EIF4H: variants seen among roughly 807,000 people sequenced by gnomAD.
EIF4H encodes the protein Williams-Beuren syndrome chromosome region 1.
Under a neutral mutation model 30.6 loss-of-function variants are expected in EIF4H, and 8 were observed. The observed-to-expected ratio is 0.26, with a 90% CI of 0.15 to 0.47. The LOEUF is 0.47. Among genes scored for constraint, EIF4H ranks in the 20% least tolerant of loss-of-function variants. The probability of loss-of-function intolerance (pLI) is 0.99; values close to 1 mark genes in which losing one functional copy is unlikely to be tolerated. For synonymous variants in EIF4H, 106 were observed against 122.7 expected (o/e 0.86, Z 0.90); for missense variants, 188 against 339.5 (o/e 0.55, Z 3.51).
chr7:74,179,944 T>C (rs1800921972), intron 1 of EIF4H, among the ~76,000 whole-genome samples: 1 of 152,120 alleles, frequency 6.6e-6, no homozygotes, highest in Admixed American at 6.5e-5. Context: ...GGCCAGGTGC[T>C]GTGGCTCATG....
intron 1 of EIF4H, among the ~76,000 whole-genome samples, chr7:74,184,445 T>G (rs1554708893): frequency 6.6e-6 from 1 of 152,212 alleles, no homozygotes; most frequent in Non-Finnish European, 1.5e-5. Context: ...TATGTATATG[T>G]TACACATTCA....
At chr7:74,181,416 G>C (rs933232079) in intron 1 of EIF4H, among the ~76,000 whole-genome samples, 1 of 150,938 alleles carries the variant, frequency 6.6e-6, no homozygotes, top group Non-Finnish European at 1.5e-5. Flanking sequence ...TTCTTTCTTT[G>C]TTTTTTTTGT....
chr7:74,189,214 A>G (rs1238813790), intron 2 of EIF4H, among the ~76,000 whole-genome samples: 11 of 152,192 alleles, frequency 7.2e-5, no homozygotes, highest in African/African-American at 2.4e-4. Flanking sequence ...TGCCAAGGAT[A>G]TATTTTCAGC....
chr7:74,176,577 A>AG (rs1261037508), intron 1 of EIF4H, among the ~76,000 whole-genome samples: 1 of 152,152 alleles, frequency 6.6e-6, no homozygotes, highest in Non-Finnish European at 1.5e-5. Flanking sequence ...CTCACCTCTG[A>AG]ATTACTTGGG....
intron 1 of EIF4H, among the ~76,000 whole-genome samples, chr7:74,175,070 A>C (rs1286090857): frequency 6.6e-6 from 1 of 152,230 alleles, no homozygotes; most frequent in African/African-American, 2.4e-5. Context: ...TTCTTGGGTC[A>C]CAGTGCCTTG....
chr7:74,187,526 C>A, intron 1 of EIF4H, 85 bp from the exon 2 acceptor site: 4 of 1,331,518 alleles, frequency 3.0e-6, no homozygotes, highest in South Asian at 1.9e-5. Context: ...GGGGCGCTGG[C>A]GGCGTAGCTC....
intron 1 of EIF4H, among the ~76,000 whole-genome samples, chr7:74,177,712 C>A (rs1055629959): frequency 6.6e-6 from 1 of 151,838 alleles, no homozygotes; most frequent in African/African-American, 2.4e-5. Flanking sequence ...TGTTATCCTT[C>A]TTCACTCCAA....
Position 74,195,299 on chromosome 7 carries a change from G to A in EIF4H, c.738G>A (p.Glu246=), listed in dbSNP as rs1554710548. The change falls in exon 7 of 7, where the codon GAG becomes GAA. Residue 246 remains glutamate (E), a synonymous_variant. Transcript: ENST00000265753. ...CTAGAGAGGAAGTCGTTCAAAAGGA[G>A]CAAGAATGAGCCTGCGGTTGGGAGG... ...ARPREEVVQK[E]QE 1.9e-6 allele frequency: 3 copies of A among 1,613,724 alleles called. No homozygotes were observed. The highest frequency in any genetic ancestry group is 2.5e-6 in the Non-Finnish European group (3 of 1,179,788).
At chr7:74,180,763 G>A (rs563925087) in intron 1 of EIF4H, among the ~76,000 whole-genome samples, 4 of 152,346 alleles carry the variant, frequency 2.6e-5, no homozygotes, top group East Asian at 3.9e-4. Context: ...AGCCTCAGCA[G>A]CAGTGATACA....
intron 1 of EIF4H, among the ~76,000 whole-genome samples, chr7:74,176,816 A>C (rs890180102): frequency 3.3e-5 from 5 of 152,252 alleles, no homozygotes; most frequent in African/African-American, 9.6e-5. Context: ...AAATCAAAAC[A>C]AAATTCCAAA....
rs1554710613 is a variant in EIF4H, at chr7:74,195,515, G to T, written c.*207G>T. The T allele has an allele frequency of 2.2e-6, 1 of 455,676 alleles. No individual in the cohort carries two copies. The highest frequency in any genetic ancestry group is 3.8e-6 in the Non-Finnish European group (1 of 260,198). 28.2% of individuals were successfully genotyped at this position (455,676 alleles called of 1,614,324 possible). A position where few individuals can be genotyped will look rare whatever the true frequency, so the allele number is the denominator to read the frequency against. On this transcript the variant is annotated 3_prime_UTR_variant, in exon 7 of 7. Coordinates refer to ENST00000265753, the MANE Select transcript of EIF4H (RefSeq NM_022170.2). ...TGCTGTATCTATCTAGTGCCTGTTT[G>T]TGCGTTTTTTTCTTTCTTCCGCTGC...
At chr7:74,186,841 G>T (rs1374265627) in intron 1 of EIF4H, among the ~76,000 whole-genome samples, 1 of 73,598 alleles carries the variant, frequency 1.4e-5, no homozygotes, top group African/African-American at 5.0e-5. Context: ...TTTTTTTTTT[G>T]AGACGGAGTC....
chr7:74,185,321 C>T (rs1330030370), intron 1 of EIF4H, among the ~76,000 whole-genome samples: 1 of 152,132 alleles, frequency 6.6e-6, no homozygotes, highest in Non-Finnish European at 1.5e-5. Context: ...ATTTATTATC[C>T]CGTCCTAAAT....
rs1266061180 is a variant in EIF4H, at chr7:74,195,415, C to T, written c.*107C>T. ...CCGCCACTCCTGCGCCTGCCATTGGCCTCCTCACAGCGGAAACACAGCTTG... is the reference window on the plus strand; with the variant it reads ...CCGCCACTCCTGCGCCTGCCATTGGTCTCCTCACAGCGGAAACACAGCTTG... On this transcript the variant is annotated 3_prime_UTR_variant, in exon 7 of 7. Coordinates refer to ENST00000265753, the MANE Select transcript of EIF4H (RefSeq NM_022170.2). 9 of 1,310,860 alleles carry T rather than the reference C, an allele frequency of 6.9e-6. No homozygotes were observed. The East Asian group carries it at 1.7e-4, about 25-fold the overall frequency. 81.2% of individuals were successfully genotyped at this position (1,310,860 alleles called of 1,614,324 possible). A position where few individuals can be genotyped will look rare whatever the true frequency, so the allele number is the denominator to read the frequency against.
At chr7:74,193,856 C>T (rs1801282442) in intron 5 of EIF4H, among the ~76,000 whole-genome samples, 1 of 152,178 alleles carries the variant, frequency 6.6e-6, no homozygotes, top group South Asian at 2.1e-4. Context: ...CACCTCCCAC[C>T]TCAGCCTCCC....
In EIF4H at chr7:74,196,721, A is replaced by G. The variant is rs545285956; in HGVS notation, c.*1413A>G. Reference sequence around the variant, plus strand: ...GCTTAGTATTTGGTCACCAGCCGTCATCCTGGGCTTTTCCTACTGTGTCTT... The same window carrying G: ...GCTTAGTATTTGGTCACCAGCCGTCGTCCTGGGCTTTTCCTACTGTGTCTT... On this transcript the variant is annotated 3_prime_UTR_variant, in exon 7 of 7. Transcript: ENST00000265753. 4.6e-5 allele frequency: 7 copies of G among 151,312 alleles called. No homozygotes were observed. In the East Asian group the frequency reaches 1.4e-3, roughly 29 times the overall value. 9.4% of individuals were successfully genotyped at this position (151,312 alleles called of 1,614,324 possible).
At chr7:74,190,425 C>T in intron 5 of EIF4H, 119 bp downstream of exon 5, 2 of 1,011,478 alleles carry the variant, frequency 2.0e-6, no homozygotes, top group South Asian at 1.4e-5. Context: ...ACAAATACAA[C>T]TCTCCTGCAG....
intron 1 of EIF4H, among the ~76,000 whole-genome samples, chr7:74,181,624 C>A (rs1554708415): frequency 6.6e-6 from 1 of 151,674 alleles, no homozygotes; most frequent in African/African-American, 2.4e-5. Context: ...AGAGATAGAG[C>A]AGAAACAGAG....
In EIF4H at chr7:74,195,505, G is replaced by T; in HGVS notation, c.*197G>T. On this transcript the variant is annotated 3_prime_UTR_variant, in exon 7 of 7. Coordinates refer to ENST00000265753, the MANE Select transcript of EIF4H (RefSeq NM_022170.2). ...TTCTGGGCTTTGCTGTATCTATCTA[G>T]TGCCTGTTTGTGCGTTTTTTTCTTT... The T allele has an allele frequency of 2.1e-6, 1 of 475,022 alleles. No individual in the cohort carries two copies. Among genetic ancestry groups the T allele is most frequent in the Non-Finnish European group, 3.7e-6 (1 of 271,346 alleles). The allele number at this position is 475,022 out of a possible 1,614,324, so 29.4% of individuals were successfully genotyped here.
Sources: allele counts gnomAD v4.1 joint callset (sites outside exome capture counted in the v4.1 genomes callset), GRCh38; gene constraint gnomAD v4.1.1; transcripts MANE v1.5; gene names NCBI Gene and HGNC (gene_info 2026-07-23, HGNC 2026-07-21).